The following MTERF4 variants were observed in gnomAD, a reference collection of about 807,000 sequenced individuals.
The protein encoded by MTERF4 is mitochondrial transcription termination factor 4.
Under a neutral mutation model 22.5 loss-of-function variants are expected in MTERF4, and 17 were observed. The ratio of observed to expected loss-of-function variants is 0.75; its 90% confidence interval spans 0.52 to 1.13. The LOEUF (loss-of-function observed/expected upper bound fraction) is 1.13. Among genes scored for constraint, MTERF4 ranks in the 50% most tolerant of loss-of-function variants. MTERF4 has a pLI of 0.00. For synonymous variants in MTERF4, 165 were observed against 175.3 expected (o/e 0.94, Z 0.47); for missense variants, 420 against 466.8 (o/e 0.90, Z 0.92).
chr2:241,066,666 G>A, the MTERF4 span, among the ~76,000 whole-genome samples: 1 of 152,172 alleles, frequency 6.6e-6, no homozygotes, highest in Non-Finnish European at 1.5e-5. Flanking sequence ...CTTCAGGGAG[G>A]CCTAAGCATC....
rs1356629218 is a variant in MTERF4 at position 241,073,467 on chromosome 2, G to A, written n.2695C>T. On this transcript the variant is annotated non_coding_transcript_exon_variant, in exon 5 of 5. Coordinates refer to the MTERF4 transcript ENST00000464344. This position sits in a 1 kb window ranked among gnomAD's most constrained non-coding sequence, Gnocchi z 6.6. ...ACCACCCACGGTGAGGAATCAGGAGGCACAGAGCCTACCTGAGGGGAGGCT... is the reference window on the plus strand; with the variant it reads ...ACCACCCACGGTGAGGAATCAGGAGACACAGAGCCTACCTGAGGGGAGGCT... The A allele has an allele frequency of 1.0e-5, 10 of 954,338 alleles. No individual in the cohort carries two copies. The highest frequency in any genetic ancestry group is 2.8e-5 in the South Asian group (2 of 71,692). 59.1% of individuals were successfully genotyped at this position (954,338 alleles called of 1,614,324 possible).
At chr2:241,050,849 C>T in the MTERF4 span, among the ~76,000 whole-genome samples, 1 of 152,200 alleles carries the variant, frequency 6.6e-6, no homozygotes, top group African/African-American at 2.4e-5. Context: ...CTACCAGAGC[C>T]CACATCTCCT....
chr2:241,051,902 C>T, the MTERF4 span: 5 of 1,504,776 alleles, frequency 3.3e-6, no homozygotes, highest in Non-Finnish European at 4.5e-6. This position sits in a 1 kb window ranked among gnomAD's most constrained non-coding sequence, Gnocchi z 4.7. Context: ...GAACGACGGG[C>T]CAGCCCTGAG....
downstream of MTERF4, chr2:241,088,456 G>A (rs2063696718): frequency 7.6e-6 from 11 of 1,443,696 alleles, no homozygotes; most frequent in Admixed American, 1.7e-5. Flanking sequence ...GAAGTGGGGG[G>A]CGACTGCCCA....
chr2:241,084,555 C>G (rs1252530599), downstream of MTERF4, among the ~76,000 whole-genome samples: 1 of 152,224 alleles, frequency 6.6e-6, no homozygotes, highest in South Asian at 2.1e-4. Flanking sequence ...TGACATCAAG[C>G]TTCCACTTCC....
At chr2:241,058,411 A>C in the MTERF4 span, among the ~76,000 whole-genome samples, 2 of 152,202 alleles carry the variant, frequency 1.3e-5, no homozygotes, top group Non-Finnish European at 2.9e-5. Context: ...ATGCTGAAAA[A>C]AGTAGAAGGA....
chr2:241,054,594 G>A, the MTERF4 span, among the ~76,000 whole-genome samples: 1 of 152,192 alleles, frequency 6.6e-6, no homozygotes, highest in South Asian at 2.1e-4. Flanking sequence ...TGGATTAACG[G>A]TATAAAATAA....
At chr2:241,090,139 TACAA>T, downstream of MTERF4, 1 of 1,478,882 alleles carries the variant, frequency 6.8e-7, no homozygotes, top group Non-Finnish European at 9.0e-7. Flanking sequence ...CAGCTTAAAA[TACAA>T]ACACACTGTA....
At chr2:241,052,319 A>G in the MTERF4 span, 1 of 1,535,016 alleles carries the variant, frequency 6.5e-7, no homozygotes, top group Non-Finnish European at 8.9e-7. Flanking sequence ...CCTTCAGGGA[A>G]GACACAGTGG....
chr2:241,081,314 C>T (rs902446559), intron 4 of MTERF4, among the ~76,000 whole-genome samples: 19 of 152,180 alleles, frequency 1.2e-4, no homozygotes, highest in African/African-American at 4.3e-4. Flanking sequence ...AGGGGCAAAG[C>T]CAGCAAGGGT....
chr2:241,061,539 T>C, the MTERF4 span, among the ~76,000 whole-genome samples: 2 of 152,276 alleles, frequency 1.3e-5, no homozygotes, highest in South Asian at 4.1e-4. Flanking sequence ...TAAGAAAAAC[T>C]TCACGTCTGC....
chr2:241,060,423 T>C, the MTERF4 span, among the ~76,000 whole-genome samples: 2 of 152,190 alleles, frequency 1.3e-5, no homozygotes, highest in African/African-American at 4.8e-5. Flanking sequence ...CCTCTGGTGA[T>C]CCACCCGCCT....
the MTERF4 span, chr2:241,051,935 C>T: frequency 1.4e-6 from 2 of 1,470,108 alleles, no homozygotes; most frequent in African/African-American, 2.8e-5. This position sits in a 1 kb window ranked among gnomAD's most constrained non-coding sequence, Gnocchi z 4.7. Flanking sequence ...ATGCACCCTC[C>T]CTGCCAGCTG....
At chr2:241,085,105 G>A (rs532722024), downstream of MTERF4, among the ~76,000 whole-genome samples, 8 of 152,062 alleles carry the variant, frequency 5.3e-5, no homozygotes, top group Admixed American at 3.3e-4. Flanking sequence ...GTATGGCTAC[G>A]TTTTGATTCT....
intron 1 of MTERF4, 163 bp downstream of exon 1, chr2:241,102,090 G>A (rs2064738724): frequency 2.3e-6 from 2 of 855,778 alleles, no homozygotes; most frequent in African/African-American, 3.5e-5. Context: ...CACAATAATT[G>A]AGCAGAGCCA....
downstream of MTERF4, chr2:241,068,845 C>A (rs1293626940): frequency 8.7e-7 from 1 of 1,154,098 alleles, no homozygotes; most frequent in Non-Finnish European, 1.2e-6. This position sits in a 1 kb window ranked among gnomAD's most constrained non-coding sequence, Gnocchi z 5.3. Flanking sequence ...GAGCTGCGGT[C>A]TGGCAGCAGA....
the MTERF4 span, among the ~76,000 whole-genome samples, chr2:241,058,680 G>T: frequency 2.0e-5 from 3 of 152,372 alleles, no homozygotes; most frequent in Non-Finnish European, 4.4e-5. Context: ...GCCGGGCGCG[G>T]TGGCTCATGC....
chr2:241,096,030 CA>C lies in MTERF4; in HGVS notation c.1113del (p.Asn371LysfsTer40), dbSNP rs749942256. 4.3e-6 allele frequency: 7 copies of C among 1,613,746 alleles called. No homozygotes were observed. Among genetic ancestry groups the C allele is most frequent in the Non-Finnish European group, 4.2e-6 (5 of 1,179,938 alleles). On this transcript the variant is annotated frameshift_variant, in exon 4 of 4. Coordinates refer to ENST00000391980, the MANE Select transcript of MTERF4 (RefSeq NM_182501.4). LOFTEE classifies it high-confidence loss of function. This position sits in a 1 kb window ranked among gnomAD's most constrained non-coding sequence, Gnocchi z 5.1. ...DDEDDDEAED[N>X]DEDEDDDEEE is the part of the protein sequence containing the mutation. ...TCCTCGTCGTCGTCCTCATCCTCAT[CA>C]TTGTCCTCCGCCTCGTCGTCGTCCT...
chr2:241,077,686 A>G (rs2063095099), intron 4 of MTERF4, among the ~76,000 whole-genome samples: 1 of 152,228 alleles, frequency 6.6e-6, no homozygotes, highest in South Asian at 2.1e-4. Context: ...ACAGGGGCAA[A>G]GGACCTAAAA....
Sources: gnomAD v4.1 joint callset for allele counts (sites outside exome capture counted in the v4.1 genomes callset) on GRCh38, gnomAD v4.1.1 for gene constraint, Gnocchi (gnomAD v3.1) non-coding constraint, MANE v1.5 for transcripts, NCBI Gene and HGNC (gene_info 2026-07-23, HGNC 2026-07-21) for gene names.